Variants in TUSC3 observed in about 807,000 individuals in gnomAD.
The protein encoded by TUSC3 is dolichyl-diphosphooligosaccharide--protein glycosyltransferase subunit TUSC3.
TUSC3 carries 45 observed loss-of-function variants against 44.8 expected under a neutral mutation model. That is an observed-to-expected ratio of 1.00 (90% CI 0.79 to 1.29). TUSC3 has a LOEUF of 1.29. TUSC3 is among the 50% of genes most tolerant of loss of function. The pLI is 0.00. For synonymous variants in TUSC3, 212 were observed against 152.9 expected, an observed-to-expected ratio of 1.39 and a Z score of -2.85; for missense variants, 519 against 437.9, an observed-to-expected ratio of 1.19 and a Z score of -1.65.
At chr8:15,848,743 T>C in the TUSC3 span, among the ~76,000 whole-genome samples, 4 of 152,182 alleles carry the variant, frequency 2.6e-5, no homozygotes, top group East Asian at 1.9e-4. Flanking sequence ...AATCTTCAAC[T>C]TGGAGTCAGG....
At chr8:15,497,192 G>C (rs1302160184) in intron 2 of TUSC3, among the ~76,000 whole-genome samples, 1 of 152,306 alleles carries the variant, frequency 6.6e-6, no homozygotes, top group East Asian at 1.9e-4. Context: ...AGAAGTTTAA[G>C]TTTGAGCAGG....
At chr8:15,836,854 C>A in the TUSC3 span, among the ~76,000 whole-genome samples, 1 of 152,076 alleles carries the variant, frequency 6.6e-6, no homozygotes, top group Middle Eastern at 3.4e-3. Context: ...TCTACTTTTC[C>A]TCTCCCTTCC....
the TUSC3 span, among the ~76,000 whole-genome samples, chr8:15,810,870 G>T: frequency 6.6e-6 from 1 of 152,092 alleles, no homozygotes; most frequent in Non-Finnish European, 1.5e-5. Context: ...ACATTTACCA[G>T]TATATACACC....
intron 10 of TUSC3, among the ~76,000 whole-genome samples, chr8:15,762,579 C>G (rs547498150): frequency 6.6e-6 from 1 of 152,170 alleles, no homozygotes; most frequent in South Asian, 2.1e-4. Context: ...ATAAAGATTA[C>G]CTTTAGTGCT....
chr8:15,552,195 T>C lies in TUSC3; in HGVS notation c.138+11627T>C, dbSNP rs57266893. Among the ~76,000 whole-genome samples, 174 of 151,984 alleles carry C rather than the reference T, an allele frequency of 1.1e-3. 12 individuals are homozygous for C. The East Asian group carries it at 0.032, about 28-fold the overall frequency. ...ATTGATGTAAGCAATACAAAATAAA[T>C]ATATTGGAGTATCATCATCCTAAAA... On this transcript the variant is annotated intron_variant, in intron 1 of 10. Transcript: ENST00000503731.
At chr8:15,526,422 T>C (rs7845346) in intron 2 of TUSC3, among the ~76,000 whole-genome samples, 149,310 of 152,234 alleles carry the variant, frequency 0.98, 73,288 homozygotes, top group East Asian at 1. Context: ...TTTGCTGTGT[T>C]CCTACCCAAA....
chr8:15,567,244 A>G (rs945808312), intron 1 of TUSC3, among the ~76,000 whole-genome samples: 3 of 152,168 alleles, frequency 2.0e-5, no homozygotes, highest in African/African-American at 2.4e-5. Context: ...CATTATTTTC[A>G]GAAGAACACT....
intron 1 of TUSC3, among the ~76,000 whole-genome samples, chr8:15,420,924 C>A (rs1035284479): frequency 6.6e-6 from 1 of 152,172 alleles, no homozygotes; most frequent in Non-Finnish European, 1.5e-5. Context: ...TCTTTAACAA[C>A]ACACAATTCC....
chr8:15,766,122 G>A lies in TUSC3; in HGVS notation c.*1966G>A, dbSNP rs1812318674. 6.6e-6 allele frequency: 1 copy of A among 151,790 alleles called. No homozygotes were observed. The highest frequency in any genetic ancestry group is 1.5e-5 in the Non-Finnish European group (1 of 67,922). 9.4% of individuals were successfully genotyped at this position (151,790 alleles called of 1,614,324 possible). A position where few individuals can be genotyped will look rare whatever the true frequency, so the allele number is the denominator to read the frequency against. On this transcript the variant is annotated 3_prime_UTR_variant, in exon 11 of 11. Transcript: ENST00000503731. ...TAGCTCTTATTTTCTAATTTCCTCT[G>A]AGCATTTAAAATTACATCCAGTGAT...
chr8:15,632,145 C>T (rs542539839), intron 2 of TUSC3, among the ~76,000 whole-genome samples: 3 of 152,038 alleles, frequency 2.0e-5, no homozygotes, highest in East Asian at 3.9e-4. Context: ...ACTCCCGCAC[C>T]CCCATGCCAT....
upstream of TUSC3, among the ~76,000 whole-genome samples, chr8:15,537,545 C>G (rs1276865414): frequency 6.6e-6 from 1 of 152,148 alleles, no homozygotes; most frequent in Non-Finnish European, 1.5e-5. Context: ...TGTCATCAAC[C>G]TAAGTCAGGG....
At chr8:15,821,450 G>A in the TUSC3 span, among the ~76,000 whole-genome samples, 2 of 143,018 alleles carry the variant, frequency 1.4e-5, no homozygotes, top group Admixed American at 1.5e-4. Context: ...GAAGTTTACT[G>A]CTATGATTTC....
At chr8:15,586,220 A>G (rs1803596845) in intron 1 of TUSC3, among the ~76,000 whole-genome samples, 1 of 152,010 alleles carries the variant, frequency 6.6e-6, no homozygotes, top group Non-Finnish European at 1.5e-5. Flanking sequence ...ACTGTGAAGG[A>G]CTGAATGTTG....
At chr8:15,708,154 T>A (rs1410028679) in intron 6 of TUSC3, among the ~76,000 whole-genome samples, 1 of 151,920 alleles carries the variant, frequency 6.6e-6, no homozygotes, top group Non-Finnish European at 1.5e-5. Flanking sequence ...TCATTCAACC[T>A]CACTACACTG....
At chr8:15,587,492 A>G (rs1213738626) in intron 1 of TUSC3, among the ~76,000 whole-genome samples, 2 of 152,138 alleles carry the variant, frequency 1.3e-5, no homozygotes, top group East Asian at 1.9e-4. Flanking sequence ...ATTTCCATGT[A>G]TGTATCCAAT....
At chr8:15,531,161 A>G (rs1252797671) in intron 2 of TUSC3, among the ~76,000 whole-genome samples, 4 of 152,126 alleles carry the variant, frequency 2.6e-5, no homozygotes, top group Non-Finnish European at 5.9e-5. Context: ...CCAACAAATA[A>G]AATCCCAGGT....
chr8:15,660,797 T>G (rs1473976049), intron 4 of TUSC3, among the ~76,000 whole-genome samples: 1 of 151,662 alleles, frequency 6.6e-6, no homozygotes, highest in African/African-American at 2.4e-5. Flanking sequence ...AAGAGTAATA[T>G]TGAAAGGGTA....
At chr8:15,549,644 G>C (rs997867054) in intron 1 of TUSC3, among the ~76,000 whole-genome samples, 4 of 151,484 alleles carry the variant, frequency 2.6e-5, no homozygotes, top group Non-Finnish European at 4.4e-5. Flanking sequence ...AAAAGAAAAC[G>C]GGGCCTCCCT....
At chr8:15,581,223 A>T (rs1362478258) in intron 1 of TUSC3, among the ~76,000 whole-genome samples, 1 of 121,492 alleles carries the variant, frequency 8.2e-6, no homozygotes, top group Admixed American at 8.5e-5. Flanking sequence ...ATTCTTCTAA[A>T]TTTTTTTCAA....
Sources: gnomAD v4.1 joint callset for allele counts (sites outside exome capture counted in the v4.1 genomes callset) on GRCh38, gnomAD v4.1.1 for gene constraint, MANE v1.5 for transcripts, NCBI Gene and HGNC (gene_info 2026-07-23, HGNC 2026-07-21) for gene names.